Variants in TTLL13 observed in about 807,000 individuals in gnomAD.
TTLL13 encodes tubulin tyrosine ligase like 13, also known as tubulin polyglutamylase TTLL13.
the TTLL13 span, among the ~76,000 whole-genome samples, chr15:90,256,602 TTTCTTTCCTTCCTTCC>T: frequency 2.0e-3 from 58 of 29,126 alleles, no homozygotes; most frequent in African/African-American, 3.3e-3. Flanking sequence ...TCTTTCTTTC[TTTCTTTCCTTCCTTCC>T]TTCCTTCCTT....
the TTLL13 span, among the ~76,000 whole-genome samples, chr15:90,251,114 CT>C: frequency 0.023 from 2,428 of 104,636 alleles, 121 homozygotes; most frequent in African/African-American, 0.079. Flanking sequence ...CCTGGTCTGT[CT>C]TTTTTTTTTT....
chr15:90,254,810 C>A, the TTLL13 span, among the ~76,000 whole-genome samples: 3 of 152,108 alleles, frequency 2.0e-5, no homozygotes. Context: ...CACACCACTG[C>A]ACTCCAGCCT....
the TTLL13 span, chr15:90,255,926 G>A: frequency 1.2e-5 from 19 of 1,613,350 alleles, 1 homozygote; most frequent in South Asian, 1.9e-4. Flanking sequence ...ACCAGGGGGA[G>A]GAAAAGGGTC....
the TTLL13 span, among the ~76,000 whole-genome samples, chr15:90,259,662 G>A: frequency 1.3e-5 from 2 of 152,340 alleles, no homozygotes; most frequent in African/African-American, 2.4e-5. Flanking sequence ...TAGCACATAA[G>A]GAACTTTCTG....
the TTLL13 span, chr15:90,265,047 G>T: frequency 6.9e-7 from 1 of 1,439,946 alleles, no homozygotes. Context: ...CTAAATGAAT[G>T]ACTGCCACCA....
At chr15:90,252,719 G>A in the TTLL13 span, among the ~76,000 whole-genome samples, 1 of 152,126 alleles carries the variant, frequency 6.6e-6, no homozygotes, top group South Asian at 2.1e-4. Context: ...ACTGACAGGA[G>A]CAGCTGGGCA....
the TTLL13 span, among the ~76,000 whole-genome samples, chr15:90,251,371 G>A: frequency 9.5e-5 from 14 of 146,876 alleles, no homozygotes; most frequent in Admixed American, 2.8e-4. Flanking sequence ...TGATCCACCC[G>A]CCTCGGCCTC....
the TTLL13 span, chr15:90,255,962 C>A: frequency 6.2e-7 from 1 of 1,603,770 alleles, no homozygotes; most frequent in Admixed American, 1.7e-5. Flanking sequence ...GTCTTGTGAC[C>A]TAGGAATGTC....
chr15:90,256,378 A>G, the TTLL13 span: 1 of 1,573,228 alleles, frequency 6.4e-7, no homozygotes, highest in Non-Finnish European at 8.7e-7. Context: ...CCAGGGAGGA[A>G]GCTGGTCTTA....
At chr15:90,254,732 G>A in the TTLL13 span, among the ~76,000 whole-genome samples, 6 of 152,022 alleles carry the variant, frequency 3.9e-5, no homozygotes, top group African/African-American at 1.5e-4. Context: ...TTTAGTCCCA[G>A]CCACTTGGGA....
the TTLL13 span, chr15:90,262,542 G>T: frequency 2.0e-6 from 3 of 1,530,580 alleles, no homozygotes; most frequent in African/African-American, 4.1e-5. Context: ...GAGACCTCGG[G>T]CACTAAGAGG....
chr15:90,257,677 AAC>A, the TTLL13 span: 1 of 1,614,190 alleles, frequency 6.2e-7, no homozygotes, highest in Non-Finnish European at 8.5e-7. Context: ...GCTATCAACA[AAC>A]ACAATGAGAA....
chr15:90,250,590 A>G, the TTLL13 span: 1 of 1,593,942 alleles, frequency 6.3e-7, no homozygotes, highest in South Asian at 1.1e-5. Context: ...GGTCTGATAT[A>G]CACTTCATTC....
chr15:90,261,154 C>T, the TTLL13 span, among the ~76,000 whole-genome samples: 411 of 150,616 alleles, frequency 2.7e-3, 1 homozygote, highest in Non-Finnish European at 5.0e-3. Flanking sequence ...TCTTGGCTCA[C>T]TGCAACTTCC....
the TTLL13 span, chr15:90,264,866 G>A: frequency 1.3e-6 from 2 of 1,536,010 alleles, no homozygotes; most frequent in African/African-American, 1.4e-5. Flanking sequence ...GCCCTCCATG[G>A]TAAACTCTGA....
At chr15:90,256,551 TTCTTTCTTTCTTTC>T in the TTLL13 span, among the ~76,000 whole-genome samples, 2 of 25,206 alleles carry the variant, frequency 7.9e-5, no homozygotes, top group African/African-American at 3.5e-4. Context: ...TCCTTTTTCT[TTCTTTCTTTCTTTC>T]TTTCTTTCTT....
the TTLL13 span, chr15:90,258,406 A>G: frequency 1.3e-6 from 1 of 758,930 alleles, no homozygotes; most frequent in East Asian, 2.5e-5. Flanking sequence ...AGGAATGAGC[A>G]GAAGGCATAA....
At chr15:90,256,448 A>T in the TTLL13 span, 7 of 968,500 alleles carry the variant, frequency 7.2e-6, no homozygotes, top group Non-Finnish European at 1.1e-5. Flanking sequence ...CATGGTTCAG[A>T]ACCAGCCTGC....
the TTLL13 span, among the ~76,000 whole-genome samples, chr15:90,260,975 C>T: frequency 1.3e-5 from 2 of 152,086 alleles, no homozygotes; most frequent in African/African-American, 4.8e-5. Flanking sequence ...CAGATTCATG[C>T]TCATAATCAA....
Sources: allele counts gnomAD v4.1 joint callset (sites outside exome capture counted in the v4.1 genomes callset), GRCh38; gene constraint gnomAD v4.1.1; transcripts MANE v1.5; gene names NCBI Gene and HGNC (gene_info 2026-07-23, HGNC 2026-07-21).